Variants in PCNX1 observed in about 807,000 individuals in gnomAD.
PCNX1 encodes pecanex-like protein 1.
PCNX1 carries 78 observed loss-of-function variants against 242.2 expected under a neutral mutation model. The ratio of observed to expected loss-of-function variants is 0.32; its 90% CI spans 0.27 to 0.39. The LOEUF is 0.39. Among genes scored for constraint, PCNX1 ranks in the 10% least tolerant of loss-of-function variants. The probability of loss-of-function intolerance (pLI) is 1.00; values close to 1 mark genes in which losing one functional copy is unlikely to be tolerated. For missense variants in PCNX1, 2,581 were observed against 2,856.5 expected (o/e 0.90, Z 2.20); for synonymous variants, 1,024 against 1,032.9 (o/e 0.99, Z 0.17).
At chr14:71,082,969 A>G (rs2061892912) in intron 28 of PCNX1, among the ~76,000 whole-genome samples, 1 of 151,576 alleles carries the variant, frequency 6.6e-6, no homozygotes, top group Admixed American at 6.6e-5. Context: ...TGGTAAATTT[A>G]TAGTACCAGT....
Position 71,057,669 on chromosome 14 carries a change from T to C in PCNX1, c.4797T>C (p.Leu1599=). The C allele has an allele frequency of 6.2e-7, 1 of 1,613,948 alleles. No homozygotes were observed. The highest frequency in any genetic ancestry group is 8.5e-7 in the Non-Finnish European group (1 of 1,179,856). ...ACTATCTCAATGCATTAGTACACCT[T>C]ATAGAGATAGGCAATGGTCTGGTCA... is the stretch of plus-strand genomic sequence containing the variant. ...ASDYLNALVH[L]IEIGNGLVTF... The change falls in exon 26 of 36, where the codon CTT becomes CTC. Residue 1599 remains leucine (L), a synonymous_variant. Transcript: ENST00000304743.
chr14:70,971,388 C>T (rs2058537706), intron 5 of PCNX1, among the ~76,000 whole-genome samples: 1 of 13,524 alleles, frequency 7.4e-5, no homozygotes, highest in Non-Finnish European at 1.8e-4. Flanking sequence ...TCATGATCCA[C>T]CCGCCTCGGC....
At chr14:70,950,038 TAAGAC>T (rs1358543440) in intron 2 of PCNX1, among the ~76,000 whole-genome samples, 1 of 152,220 alleles carries the variant, frequency 6.6e-6, no homozygotes, top group African/African-American at 2.4e-5. Context: ...ACTCCTCTCT[TAAGAC>T]AGGTGATATT....
chr14:71,110,278 CA>C lies in PCNX1; in HGVS notation c.*344del. Reference sequence around the variant, plus strand: ...ACTCTTCATTTCTAAACTATGATCTCATATTTTTCTAATTTCTTTGCCAAAA... The same window carrying C: ...ACTCTTCATTTCTAAACTATGATCTCTATTTTTCTAATTTCTTTGCCAAAA... On this transcript the variant is annotated 3_prime_UTR_variant, in exon 36 of 36. Transcript: ENST00000304743. The C allele has an allele frequency of 3.1e-6, 1 of 318,672 alleles. No homozygotes were observed. The highest frequency in any genetic ancestry group is 6.1e-6 in the Non-Finnish European group (1 of 164,666). 19.7% of individuals were successfully genotyped at this position (318,672 alleles called of 1,614,324 possible). A position where few individuals can be genotyped will look rare whatever the true frequency, so the allele number is the denominator to read the frequency against.
intron 2 of PCNX1, among the ~76,000 whole-genome samples, chr14:70,954,285 C>T (rs888574837): frequency 6.6e-6 from 1 of 152,134 alleles, no homozygotes; most frequent in African/African-American, 2.4e-5. Flanking sequence ...CTTGCCTGTG[C>T]CATTACCATA....
At position 70,949,304 on chromosome 14, in the gene PCNX1, T is replaced by C. The variant is rs548360162; in HGVS notation, c.362+2181T>C. Among the ~76,000 whole-genome samples, 405 of 120,346 alleles carry C rather than the reference T, an allele frequency of 3.4e-3. 1 individual carries two copies. Among genetic ancestry groups the C allele is most frequent in the African/African-American group, 0.012 (364 of 30,154 alleles). 79.0% of individuals were successfully genotyped at this position (120,346 alleles called of 152,430 possible). A position where few individuals can be genotyped will look rare whatever the true frequency, so the allele number is the denominator to read the frequency against. On this transcript the variant is annotated intron_variant, in intron 2 of 35. Transcript: ENST00000304743. ...GTATACACACACGTGTGTACACACA[T>C]ATGTGTGTAGATACACACGTGTATA...
At chr14:70,942,430 A>T (rs1399107757) in intron 1 of PCNX1, among the ~76,000 whole-genome samples, 1 of 152,228 alleles carries the variant, frequency 6.6e-6, no homozygotes, top group Non-Finnish European at 1.5e-5. Context: ...GAAAAAACAA[A>T]CTCTTCTCCT....
At position 70,996,469 on chromosome 14, in the gene PCNX1, A is replaced by G. The variant is rs184755783; in HGVS notation, c.2629+544A>G. ...GTCACATAATAACTTTATAAAGTTT[A>G]TTTCTTGTTCTTGTCAATATATCTA... On this transcript the variant is annotated intron_variant, in intron 8 of 35. Transcript: ENST00000304743. Among the ~76,000 whole-genome samples, 81 of 152,292 alleles carry G rather than the reference A, an allele frequency of 5.3e-4. 1 individual carries two copies. The South Asian group carries it at 9.9e-3, about 19-fold the overall frequency.
At chr14:70,924,348 A>G (rs1401634402) in intron 1 of PCNX1, among the ~76,000 whole-genome samples, 2 of 152,136 alleles carry the variant, frequency 1.3e-5, no homozygotes, top group East Asian at 1.9e-4. Context: ...AAGATAGTGC[A>G]GAGAGATCCC....
In PCNX1 at chr14:70,977,642, A is replaced by C; in HGVS notation, c.1305A>C (p.Ala435=). 6.2e-7 allele frequency: 1 copy of C among 1,614,184 alleles called. No homozygotes were observed. The highest frequency in any genetic ancestry group is 8.5e-7 in the Non-Finnish European group (1 of 1,180,034). Residue 435 remains alanine (A), a synonymous_variant, in exon 6 of 36, where the codon GCA becomes GCC. Transcript: ENST00000304743. ...TKSGRKKECC[A]GPEEKNSCAS... is the part of the protein sequence containing the mutation. Reference sequence around the variant, plus strand: ...GTGGGAGGAAGAAAGAGTGCTGTGCAGGCCCAGAGGAGAAGAATAGCTGTG... The same window carrying C: ...GTGGGAGGAAGAAAGAGTGCTGTGCCGGCCCAGAGGAGAAGAATAGCTGTG...
In PCNX1 at chr14:71,102,157, T is replaced by C; in HGVS notation, c.5757T>C (p.Asp1919=). 6.2e-7 allele frequency: 1 copy of C among 1,614,100 alleles called. No homozygotes were observed. Residue 1919 remains aspartate (D), a synonymous_variant, in exon 31 of 36, where the codon GAT becomes GAC. Transcript: ENST00000304743. ...TTGCTCTGCGGCATGTCATGGATGATGGCACCAATGAATATAAAATCATCA... is the reference window on the plus strand; with the variant it reads ...TTGCTCTGCGGCATGTCATGGATGACGGCACCAATGAATATAAAATCATCA... ...SLLALRHVMD[D]GTNEYKIIML... is the part of the protein sequence containing the mutation.
intron 6 of PCNX1, among the ~76,000 whole-genome samples, chr14:70,984,833 C>A (rs557506837): frequency 2.0e-4 from 30 of 152,264 alleles, no homozygotes; most frequent in African/African-American, 6.5e-4. Context: ...ATATTAGTGC[C>A]TTTAATGCTT....
chr14:71,041,950 G>A (rs1356299377), intron 19 of PCNX1, among the ~76,000 whole-genome samples: 1 of 152,052 alleles, frequency 6.6e-6, no homozygotes, highest in African/African-American at 2.4e-5. Context: ...TCATTCAGGA[G>A]CACATTGTTT....
intron 2 of PCNX1, among the ~76,000 whole-genome samples, chr14:70,959,346 A>G (rs1401583008): frequency 6.7e-6 from 1 of 148,604 alleles, no homozygotes; most frequent in Admixed American, 6.7e-5. Context: ...GTCATTTAGC[A>G]TTAGGTATAT....
chr14:70,957,312 CTG>C (rs1273980300), intron 2 of PCNX1, among the ~76,000 whole-genome samples: 6 of 152,102 alleles, frequency 3.9e-5, no homozygotes, highest in Non-Finnish European at 5.9e-5. Flanking sequence ...TTAATAATAA[CTG>C]TATGTTCAGA....
intron 6 of PCNX1, among the ~76,000 whole-genome samples, chr14:70,979,474 TTGGTTC>T (rs2058774213): frequency 6.7e-6 from 1 of 149,018 alleles, no homozygotes; most frequent in African/African-American, 2.4e-5. Flanking sequence ...GTTTGTTTAT[TTGGTTC>T]TGGTTTTTAT....
intron 5 of PCNX1, among the ~76,000 whole-genome samples, chr14:70,975,954 T>C (rs1463864910): frequency 6.6e-6 from 1 of 152,130 alleles, no homozygotes; most frequent in Non-Finnish European, 1.5e-5. Flanking sequence ...AGTATTTTGC[T>C]CTGTAATTAT....
chr14:71,040,648 G>T (rs1369633585), intron 19 of PCNX1, among the ~76,000 whole-genome samples: 1 of 151,882 alleles, frequency 6.6e-6, no homozygotes, highest in African/African-American at 2.4e-5. Flanking sequence ...GGTAAATGGG[G>T]TATTCATCCC....
chr14:70,961,300 A>C (rs573934984), intron 2 of PCNX1, among the ~76,000 whole-genome samples: 15 of 152,310 alleles, frequency 9.8e-5, no homozygotes, highest in East Asian at 5.8e-4. Context: ...ACAGCATGGT[A>C]CTGGTACCAA....
Sources: allele counts gnomAD v4.1 joint callset (sites outside exome capture counted in the v4.1 genomes callset), GRCh38; gene constraint gnomAD v4.1.1; transcripts MANE v1.5; gene names NCBI Gene and HGNC (gene_info 2026-07-23, HGNC 2026-07-21).